Variants in NAA25 observed in about 807,000 individuals in gnomAD.
NAA25 encodes N-alpha-acetyltransferase 25, NatB auxiliary subunit.
In NAA25, 30 loss-of-function variants were observed where a neutral mutation model predicts 132.5. The ratio of observed to expected loss-of-function variants is 0.23; its 90% CI spans 0.17 to 0.31. The LOEUF (loss-of-function observed/expected upper bound fraction) is 0.31, where lower values mean the gene tolerates loss of function less well. Among genes scored for constraint, NAA25 ranks in the 10% least tolerant of loss-of-function variants. The pLI is 1.00. For synonymous variants in NAA25, 359 were observed against 401.9 expected, an observed-to-expected ratio of 0.89 and a Z score of 1.28; for missense variants, 771 against 1,150.4, an observed-to-expected ratio of 0.67 and a Z score of 4.77.
At chr12:112,077,328 C>A (rs1321530661) in intron 7 of NAA25, among the ~76,000 whole-genome samples, 1 of 151,924 alleles carries the variant, frequency 6.6e-6, no homozygotes, top group Non-Finnish European at 1.5e-5. Flanking sequence ...CAAAAATTAG[C>A]TGGGCGTGGT....
chr12:112,094,240 CAAAA>C (rs199734463), intron 1 of NAA25, among the ~76,000 whole-genome samples: 5 of 69,284 alleles, frequency 7.2e-5, no homozygotes, highest in Admixed American at 1.6e-4. Flanking sequence ...GACTCTGTCT[CAAAA>C]AAAAAAAAAA....
At chr12:112,084,189 T>C (rs1396171733) in intron 4 of NAA25, among the ~76,000 whole-genome samples, 2 of 152,226 alleles carry the variant, frequency 1.3e-5, no homozygotes, top group East Asian at 1.9e-4. Context: ...TCTTCATTTA[T>C]GGTGGTTTCA....
Position 112,090,875 on chromosome 12 carries a change from C to T in NAA25, c.145-11G>A. The T allele has an allele frequency of 1.3e-6, 2 of 1,580,946 alleles. No homozygotes were observed. Among genetic ancestry groups the T allele is most frequent in the East Asian group, 2.2e-5 (1 of 44,514 alleles). ...AATTGCCTTTAAAACCTGATAGCAACAAAAGAAAAATCAGTTTTTAAAAAG... is the reference window on the plus strand; with the variant it reads ...AATTGCCTTTAAAACCTGATAGCAATAAAAGAAAAATCAGTTTTTAAAAAG... On this transcript the variant is annotated splice_polypyrimidine_tract_variant and intron_variant, in intron 2 of 23. Transcript: ENST00000261745.
At chr12:112,045,500 A>C (rs7315953) in intron 17 of NAA25, among the ~76,000 whole-genome samples, 63,749 of 147,420 alleles carry the variant, frequency 0.43, 17,888 homozygotes, top group African/African-American at 0.77. Flanking sequence ...AAAAAAAAAA[A>C]AAAAAAAATA....
intron 13 of NAA25, among the ~76,000 whole-genome samples, chr12:112,058,769 C>A (rs925402006): frequency 6.6e-6 from 1 of 151,988 alleles, no homozygotes; most frequent in South Asian, 2.1e-4. Flanking sequence ...ACTAAAAACA[C>A]AAAAACTGGT....
intron 5 of NAA25, among the ~76,000 whole-genome samples, chr12:112,080,305 A>G (rs2136906765): frequency 6.6e-6 from 1 of 151,122 alleles, no homozygotes; most frequent in South Asian, 2.1e-4. Flanking sequence ...AAAAAACCCA[A>G]AAAACTCAAA....
chr12:112,099,702 C>T (rs1233792254), intron 1 of NAA25, among the ~76,000 whole-genome samples: 2 of 152,110 alleles, frequency 1.3e-5, no homozygotes, highest in Admixed American at 1.3e-4. Flanking sequence ...CACATGCAGG[C>T]CTGCTGTCCA....
At chr12:112,106,345 A>C (rs1436398229) in intron 1 of NAA25, among the ~76,000 whole-genome samples, 1 of 152,096 alleles carries the variant, frequency 6.6e-6, no homozygotes, top group Non-Finnish European at 1.5e-5. Flanking sequence ...CTCAAGAACA[A>C]TTTTAAAAAT....
chr12:112,057,271 C>A (rs138018999), intron 13 of NAA25, among the ~76,000 whole-genome samples: 2 of 152,128 alleles, frequency 1.3e-5, no homozygotes, highest in Non-Finnish European at 2.9e-5. Flanking sequence ...CTTTCACATG[C>A]CTAATAATCA....
intron 1 of NAA25, among the ~76,000 whole-genome samples, chr12:112,102,749 C>T (rs750129662): frequency 6.7e-6 from 1 of 149,134 alleles, no homozygotes; most frequent in Non-Finnish European, 1.5e-5. Context: ...TGCAATAGCG[C>T]GATCTCGGCT....
At chr12:112,076,874 G>T (rs1039067418) in intron 7 of NAA25, among the ~76,000 whole-genome samples, 22 of 151,954 alleles carry the variant, frequency 1.4e-4, no homozygotes, top group African/African-American at 5.3e-4. Flanking sequence ...CATACGCCTG[G>T]AGTCCTAACT....
At chr12:112,038,484 A>G (rs1226493154) in intron 22 of NAA25, among the ~76,000 whole-genome samples, 1 of 152,196 alleles carries the variant, frequency 6.6e-6, no homozygotes, top group Non-Finnish European at 1.5e-5. Flanking sequence ...GAGAGATAAA[A>G]CAAATGAGAT....
In NAA25 at chr12:112,074,341, C is replaced by CAAA. The variant is rs34077129; in HGVS notation, c.866+331_866+333dup. Among the ~76,000 whole-genome samples, 19 of 34,778 alleles carry CAAA rather than the reference C, an allele frequency of 5.5e-4. 1 individual carries two copies. The highest frequency in any genetic ancestry group is 5.3e-3 in the East Asian group (7 of 1,310). The allele number at this position is 34,778 out of a possible 152,430, so 22.8% of individuals were successfully genotyped here. On this transcript the variant is annotated intron_variant, in intron 9 of 23. Transcript: ENST00000261745. ...GGGTGACAAGAGCCAAACTCCATCT[C>CAAA]AAAAAAAAAAAAAAAAAAAAAAAGG...
intron 7 of NAA25, among the ~76,000 whole-genome samples, chr12:112,077,952 G>A (rs902891746): frequency 4.0e-5 from 6 of 151,628 alleles, no homozygotes; most frequent in Admixed American, 1.3e-4. Flanking sequence ...AGGGGAAGAC[G>A]GCTAGAGATC....
chr12:112,041,746 C>T lies in NAA25; in HGVS notation c.2440+293G>A, dbSNP rs554879095. Among the ~76,000 whole-genome samples, 4 of 152,136 alleles carry T rather than the reference C, an allele frequency of 2.6e-5. No individual in the cohort carries two copies. In the South Asian group the frequency reaches 6.2e-4, roughly 24 times the overall value. On this transcript the variant is annotated intron_variant, in intron 20 of 23. Coordinates refer to ENST00000261745, the MANE Select transcript of NAA25 (RefSeq NM_024953.4). ...ACAATACTATAGAATATTACGCAGT[C>T]TTGAAAATAAATGGGGTATATATAA...
At chr12:112,073,079 CA>C (rs2078838750) in intron 9 of NAA25, among the ~76,000 whole-genome samples, 2 of 151,488 alleles carry the variant, frequency 1.3e-5, no homozygotes. Flanking sequence ...ACAAAAAATA[CA>C]AAAATTAGCC....
At chr12:112,079,367 T>A (rs1421383050) in intron 5 of NAA25, among the ~76,000 whole-genome samples, 3 of 152,026 alleles carry the variant, frequency 2.0e-5, no homozygotes, top group African/African-American at 7.2e-5. Context: ...GTGGATCCCT[T>A]GAGGCCAGAA....
At chr12:112,041,538 C>T (rs2078301462) in intron 20 of NAA25, among the ~76,000 whole-genome samples, 1 of 152,034 alleles carries the variant, frequency 6.6e-6, no homozygotes, top group Admixed American at 6.6e-5. Flanking sequence ...TTTAACAATT[C>T]TATTAAATTA....
intron 3 of NAA25, among the ~76,000 whole-genome samples, chr12:112,089,336 T>G (rs61941319): frequency 3.9e-5 from 6 of 152,182 alleles, no homozygotes; most frequent in African/African-American, 1.4e-4. Context: ...TTGACAAGCA[T>G]GTAAGCAATC....
Sources: allele counts gnomAD v4.1 joint callset (sites outside exome capture counted in the v4.1 genomes callset), GRCh38; gene constraint gnomAD v4.1.1; transcripts MANE v1.5; gene names NCBI Gene and HGNC (gene_info 2026-07-23, HGNC 2026-07-21).